The following PCDHGB2 variants were observed in gnomAD, a reference collection of about 807,000 sequenced individuals.
The protein encoded by PCDHGB2 is protocadherin gamma-B2.
Under a neutral mutation model 59.3 loss-of-function variants are expected in PCDHGB2, and 55 were observed. That is an observed-to-expected ratio of 0.93 (90% CI 0.75 to 1.16). PCDHGB2 has a LOEUF of 1.16. Ranked by LOEUF, PCDHGB2 falls within the 50% of genes most tolerant of loss-of-function variation. The pLI, the probability that PCDHGB2 is intolerant of heterozygous loss-of-function variation, is 0.00. For synonymous variants in PCDHGB2, 516 were observed against 512.0 expected (o/e 1.01, Z -0.11); for missense variants, 1,228 against 1,198.5 (o/e 1.02, Z -0.36).
chr5:141,400,076 T>C, intron 1 of PCDHGB2: 2 of 1,613,932 alleles, frequency 1.2e-6, no homozygotes, highest in Non-Finnish European at 1.7e-6. Context: ...CAGCCGCCAC[T>C]CTCCGCCACC....
intron 1 of PCDHGB2, chr5:141,398,029 G>C (rs1363038637): frequency 2.7e-6 from 4 of 1,458,540 alleles, no homozygotes; most frequent in Non-Finnish European, 3.7e-6. Flanking sequence ...ACTGGAACTG[G>C]AACTAAAGCC....
intron 1 of PCDHGB2, among the ~76,000 whole-genome samples, chr5:141,460,251 A>G (rs2098984972): frequency 6.6e-6 from 1 of 152,114 alleles, no homozygotes; most frequent in Admixed American, 6.6e-5. Context: ...TAATTTTGAT[A>G]AAGCCCAATT....
In PCDHGB2 at chr5:141,476,477, G is replaced by T. The variant is rs768824553; in HGVS notation, c.2422-18330G>T. The T allele has an allele frequency of 1.9e-6, 3 of 1,614,078 alleles. No homozygotes were observed. The highest frequency in any genetic ancestry group is 1.7e-5 in the Admixed American group (1 of 60,016). Reference sequence around the variant, plus strand: ...GGAGAACCCGCTGGAGCTGTTCAGCGTGGAAGTGGTGATCCAGGACATCAA... The same window carrying T: ...GGAGAACCCGCTGGAGCTGTTCAGCTTGGAAGTGGTGATCCAGGACATCAA... On this transcript the variant is annotated intron_variant, in intron 1 of 3. Coordinates refer to ENST00000522605, the MANE Select transcript of PCDHGB2 (RefSeq NM_018923.3). This position sits in a 1 kb window ranked among gnomAD's most constrained non-coding sequence, Gnocchi z 7.6.
intron 1 of PCDHGB2, chr5:141,383,889 G>A (rs1206410102): frequency 3.1e-6 from 5 of 1,613,938 alleles, no homozygotes; most frequent in Non-Finnish European, 4.2e-6. Context: ...GTCTGACAAA[G>A]GCAAAAGTAC....
intron 1 of PCDHGB2, chr5:141,404,860 T>C (rs3749769): frequency 0.09 from 144,859 of 1,613,622 alleles, 7,500 homozygotes; most frequent in African/African-American, 0.18. Context: ...TAGATAGAGA[T>C]GCGCTCAAAC....
At chr5:141,478,454 A>G (rs766350066) in intron 1 of PCDHGB2, 4 of 1,613,596 alleles carry the variant, frequency 2.5e-6, no homozygotes, top group Non-Finnish European at 3.4e-6. Context: ...TGGTGCAGCC[A>G]GTCCACTGGC....
chr5:141,420,047 G>C (rs1242042066), intron 1 of PCDHGB2: 1 of 1,613,958 alleles, frequency 6.2e-7, no homozygotes, highest in East Asian at 2.2e-5. Flanking sequence ...CTTTGAGTCA[G>C]TTCTCTGCTC....
In PCDHGB2 at chr5:141,361,248, G is replaced by T. The variant is rs376049174; in HGVS notation, c.1113G>T (p.Thr371=). ...PPGTVIALIK[T]RDRDSGENGE... ...GAACAGTGATCGCCTTGATAAAAACGAGAGACAGAGACTCTGGAGAAAATG... is the reference window on the plus strand; with the variant it reads ...GAACAGTGATCGCCTTGATAAAAACTAGAGACAGAGACTCTGGAGAAAATG... The change falls in exon 1 of 4, where the codon ACG becomes ACT. Residue 371 remains threonine (T), a synonymous_variant. Transcript: ENST00000522605. 6.2e-7 allele frequency: 1 copy of T among 1,613,958 alleles called. No homozygotes were observed. Among genetic ancestry groups the T allele is most frequent in the Non-Finnish European group, 8.5e-7 (1 of 1,179,868 alleles).
chr5:141,486,714 C>G lies in PCDHGB2; in HGVS notation c.2422-8093C>G. On this transcript the variant is annotated intron_variant, in intron 1 of 3. Transcript: ENST00000522605. This position sits in a 1 kb window ranked among gnomAD's most constrained non-coding sequence, Gnocchi z 5.0. ...TCTTTCATCTCTCTGAACCCCCAGA[C>G]AGGAGCTGTTCATGCTACTCGATCC... 1.2e-6 allele frequency: 2 copies of G among 1,614,216 alleles called. No individual in the cohort carries two copies. Among genetic ancestry groups the G allele is most frequent in the African/African-American group, 1.3e-5 (1 of 75,062 alleles).
rs3805699 is a variant in PCDHGB2 at position 141,435,743 on chromosome 5, G to A, written c.2422-59064G>A. Among the ~76,000 whole-genome samples the A allele has an allele frequency of 9.2e-5, 14 of 152,198 alleles. No homozygotes were observed. The East Asian group carries it at 2.1e-3, about 23-fold the overall frequency. ...GCTAAAGTGTATTACTCTTTGAAAA[G>A]CATTGCTTGATTTCTTTTGGTGAAT... is the stretch of plus-strand genomic sequence containing the variant. On this transcript the variant is annotated intron_variant, in intron 1 of 3. Coordinates refer to ENST00000522605, the MANE Select transcript of PCDHGB2 (RefSeq NM_018923.3).
intron 1 of PCDHGB2, chr5:141,394,379 T>G: frequency 6.2e-7 from 1 of 1,614,160 alleles, no homozygotes; most frequent in Non-Finnish European, 8.5e-7. Context: ...CTTTCGACTA[T>G]GAGCAGATCC....
At position 141,403,413 on chromosome 5, in the gene PCDHGB2, T is replaced by G. The variant is rs1467852757; in HGVS notation, c.2421+40857T>G. The G allele has an allele frequency of 1.2e-6, 2 of 1,613,928 alleles. No individual in the cohort carries two copies. Among genetic ancestry groups the G allele is most frequent in the African/African-American group, 2.7e-5 (2 of 74,948 alleles). ...GCGGTTCCTGGAGCACGTTATCCACTTCCAGAAGCTATTGATCCGGATGTT... is the reference window on the plus strand; with the variant it reads ...GCGGTTCCTGGAGCACGTTATCCACGTCCAGAAGCTATTGATCCGGATGTT... On this transcript the variant is annotated intron_variant, in intron 1 of 3. Transcript: ENST00000522605.
At chr5:141,425,110 C>T (rs1335909720) in intron 1 of PCDHGB2, among the ~76,000 whole-genome samples, 1 of 152,166 alleles carries the variant, frequency 6.6e-6, no homozygotes, top group East Asian at 1.9e-4. Context: ...CAGATGCCTA[C>T]ATTTTTCTTG....
In PCDHGB2 at chr5:141,360,010, C is replaced by A; in HGVS notation, c.-126C>A. 1 of 1,236,796 alleles carries A rather than the reference C, an allele frequency of 8.1e-7. No individual in the cohort carries two copies. The highest frequency in any genetic ancestry group is 1.1e-6 in the Non-Finnish European group (1 of 922,210). 76.6% of individuals were successfully genotyped at this position (1,236,796 alleles called of 1,614,324 possible). A position where few individuals can be genotyped will look rare whatever the true frequency, so the allele number is the denominator to read the frequency against. On this transcript the variant is annotated 5_prime_UTR_variant, in exon 1 of 4. Transcript: ENST00000522605. The stretch of plus-strand genomic sequence containing the variant: ...GGGAACTTCCTGCACAAACCAACCA[C>A]ACAGAGAAGGCCAGTATAGATTCGG...
chr5:141,478,657 G>A, intron 1 of PCDHGB2: 2 of 1,551,912 alleles, frequency 1.3e-6, no homozygotes, highest in Non-Finnish European at 1.7e-6. Flanking sequence ...TCCTGGTGAT[G>A]CATTCACACT....
chr5:141,507,937 A>T (rs2154594220), intron 3 of PCDHGB2: 1 of 152,420 alleles, frequency 6.6e-6, no homozygotes, highest in Admixed American at 6.5e-5. Context: ...AGAGGGGTTA[A>T]GTAAGAGGGA....
At chr5:141,401,805 G>C (rs1307812903) in intron 1 of PCDHGB2, among the ~76,000 whole-genome samples, 1 of 152,132 alleles carries the variant, frequency 6.6e-6, no homozygotes, top group Non-Finnish European at 1.5e-5. Context: ...TTCAGTAAAT[G>C]GGTTCCTTAC....
intron 1 of PCDHGB2, chr5:141,415,435 C>A: frequency 1.2e-6 from 2 of 1,614,202 alleles, no homozygotes; most frequent in Non-Finnish European, 8.5e-7. Context: ...TCGGGCTTTC[C>A]TGCAGACCTA....
rs539406412 is a variant in PCDHGB2, at chr5:141,427,895, G to A, written c.2421+65339G>A. ...CGATGCAGGCCCACGACCAGGGCTCGCCCGCGCTCAGCGCCAACATGAGCC... is the reference window on the plus strand; with the variant it reads ...CGATGCAGGCCCACGACCAGGGCTCACCCGCGCTCAGCGCCAACATGAGCC... On this transcript the variant is annotated intron_variant, in intron 1 of 3. Transcript: ENST00000522605. 373 of 1,569,222 alleles carry A rather than the reference G, an allele frequency of 2.4e-4. 2 individuals are homozygous for A. In the South Asian group the frequency reaches 3.9e-3, roughly 17 times the overall value.
Sources: gnomAD v4.1 joint callset for allele counts (sites outside exome capture counted in the v4.1 genomes callset) on GRCh38, gnomAD v4.1.1 for gene constraint, Gnocchi (gnomAD v3.1) non-coding constraint, MANE v1.5 for transcripts, NCBI Gene and HGNC (gene_info 2026-07-23, HGNC 2026-07-21) for gene names.